DACH1: variants seen among roughly 807,000 people sequenced by gnomAD.
DACH1 encodes the protein dachshund homolog 1.
Under a neutral mutation model 54.2 loss-of-function variants are expected in DACH1, and 12 were observed. The observed-to-expected ratio is 0.22, with a 90% CI of 0.14 to 0.36. The LOEUF is 0.36. Ranked by LOEUF, DACH1 falls within the 10% of genes least tolerant of loss-of-function variation. DACH1 has a pLI of 1.00. For missense variants in DACH1, 805 were observed against 929.8 expected, an observed-to-expected ratio of 0.87 and a Z score of 1.75; for synonymous variants, 386 against 366.2, an observed-to-expected ratio of 1.05 and a Z score of -0.62.
intron 2 of DACH1, among the ~76,000 whole-genome samples, chr13:71,631,737 A>C (rs2138572633): frequency 6.6e-6 from 1 of 152,296 alleles, no homozygotes; most frequent in Non-Finnish European, 1.5e-5. Context: ...TATGCAAAGA[A>C]AATTTGTCCA....
At chr13:71,524,365 C>T (rs1220861944) in intron 6 of DACH1, among the ~76,000 whole-genome samples, 1 of 152,080 alleles carries the variant, frequency 6.6e-6, no homozygotes, top group Non-Finnish European at 1.5e-5. Flanking sequence ...TCAATTAATA[C>T]AGGAAATCAC....
At chr13:71,617,795 G>A (rs1197554511) in intron 3 of DACH1, among the ~76,000 whole-genome samples, 1 of 151,974 alleles carries the variant, frequency 6.6e-6, no homozygotes, top group Non-Finnish European at 1.5e-5. Context: ...CGTAGGCTTG[G>A]CATCAATCAT....
At chr13:71,645,321 C>G (rs753485545) in intron 2 of DACH1, among the ~76,000 whole-genome samples, 48 of 152,090 alleles carry the variant, frequency 3.2e-4, no homozygotes, top group African/African-American at 1.1e-3. Context: ...CTTTCTAGAA[C>G]GAAACACTGT....
Position 71,866,675 on chromosome 13 carries a change from G to C in DACH1, c.95C>G (p.Ser32Cys). 6.9e-7 allele frequency: 1 copy of C among 1,456,426 alleles called. No individual in the cohort carries two copies. Among genetic ancestry groups the C allele is most frequent in the South Asian group, 1.6e-5 (1 of 64,206 alleles). The allele number at this position is 1,456,426 out of a possible 1,614,324, so 90.2% of individuals were successfully genotyped here. ...TSASSSGTTT[S>C]TSSATSSPAP... ...CGGAGACGAAGTCGCCGAAGAGGTG[G>C]AGGTGGTGGTGCCAGAGGAGGAAGC... The change falls in exon 1 of 11, where the codon TCC becomes TGC. Residue 32 changes from serine (S) to cysteine (C), a missense_variant. Transcript: ENST00000613252.
intron 10 of DACH1, among the ~76,000 whole-genome samples, chr13:71,451,902 T>C (rs1274310553): frequency 6.6e-6 from 1 of 152,180 alleles, no homozygotes; most frequent in Non-Finnish European, 1.5e-5. Flanking sequence ...ATCTTTATTG[T>C]TAATAAATAC....
intron 1 of DACH1, among the ~76,000 whole-genome samples, chr13:71,829,389 T>A (rs78617853): frequency 0.017 from 2,629 of 152,078 alleles, 72 homozygotes; most frequent in African/African-American, 0.054. Context: ...TTAATTTGAC[T>A]TTAGAATAAG....
chr13:71,457,705 G>C (rs917442462), intron 10 of DACH1, among the ~76,000 whole-genome samples: 1 of 151,994 alleles, frequency 6.6e-6, no homozygotes, highest in African/African-American at 2.4e-5. Context: ...GAAGGATGAA[G>C]TGGAGAGTGG....
rs539609634 is a variant in DACH1, at chr13:71,758,204, A to AT, written c.849-76295dup. ...ACATTTGTCCAGAGAAATTGTCAGG[A>AT]TTTTTTTAGAGACAAATAAATCCTC... On this transcript the variant is annotated intron_variant, in intron 1 of 10. Transcript: ENST00000613252. 5.9e-3 allele frequency among the ~76,000 whole-genome samples: 902 copies of AT among 152,224 alleles called. 7 individuals are homozygous for AT. The highest frequency in any genetic ancestry group is 0.011 in the South Asian group (52 of 4,826).
intron 3 of DACH1, among the ~76,000 whole-genome samples, chr13:71,581,827 C>T (rs1261564799): frequency 6.6e-6 from 1 of 151,866 alleles, no homozygotes; most frequent in Non-Finnish European, 1.5e-5. Context: ...ATTCATTATC[C>T]TAACTCTGAA....
chr13:71,550,303 T>C (rs1031092532), intron 6 of DACH1, among the ~76,000 whole-genome samples: 2 of 152,118 alleles, frequency 1.3e-5, no homozygotes, highest in Admixed American at 6.6e-5. Context: ...AAGAACTTTA[T>C]TGTACCCACT....
At chr13:71,618,433 T>C (rs1294845665) in intron 3 of DACH1, among the ~76,000 whole-genome samples, 1 of 152,110 alleles carries the variant, frequency 6.6e-6, no homozygotes, top group East Asian at 1.9e-4. Flanking sequence ...GGAACTCTTT[T>C]AAAAATCAAT....
chr13:71,793,639 T>C (rs1886922068), intron 1 of DACH1, among the ~76,000 whole-genome samples: 6 of 152,116 alleles, frequency 3.9e-5, no homozygotes, highest in Admixed American at 1.3e-4. Context: ...CAAGCAATCC[T>C]CCAAGCACAG....
In DACH1 at chr13:71,439,813, A is replaced by C. The variant is rs1280181837; in HGVS notation, c.*842T>G. The C allele has an allele frequency of 6.6e-6, 1 of 152,500 alleles. No homozygotes were observed. The highest frequency in any genetic ancestry group is 6.6e-5 in the Admixed American group (1 of 15,234). The allele number at this position is 152,500 out of a possible 1,614,324, so 9.4% of individuals were successfully genotyped here. ...TAAACTCTAGTATACTACTGCATAC[A>C]TAATACCTTCCTTGTGTGTTTTATG... On this transcript the variant is annotated 3_prime_UTR_variant, in exon 11 of 11. Transcript: ENST00000613252.
chr13:71,582,951 T>G (rs2138438215), intron 3 of DACH1, among the ~76,000 whole-genome samples: 1 of 152,272 alleles, frequency 6.6e-6, no homozygotes, highest in East Asian at 1.9e-4. Flanking sequence ...CACTCATTTT[T>G]ATCCCAAGAA....
At chr13:71,471,424 T>C (rs1441391174) in intron 10 of DACH1, among the ~76,000 whole-genome samples, 1 of 151,792 alleles carries the variant, frequency 6.6e-6, no homozygotes, top group Non-Finnish European at 1.5e-5. Flanking sequence ...GATGTCTGAG[T>C]GGATTGGAAA....
chr13:71,644,524 T>C (rs1878135274), intron 2 of DACH1, among the ~76,000 whole-genome samples: 1 of 152,134 alleles, frequency 6.6e-6, no homozygotes, highest in Non-Finnish European at 1.5e-5. Flanking sequence ...AGAGTTCATA[T>C]AAACTGTGAG....
At chr13:71,454,820 C>T (rs1286593108) in intron 10 of DACH1, among the ~76,000 whole-genome samples, 1 of 152,180 alleles carries the variant, frequency 6.6e-6, no homozygotes, top group Non-Finnish European at 1.5e-5. Flanking sequence ...AGCTAGTCCC[C>T]AATTCCTCAC....
rs145498694 is a variant in DACH1 at position 71,639,971 on chromosome 13, T to C, written c.965-9254A>G. Among the ~76,000 whole-genome samples, 40 of 152,128 alleles carry C rather than the reference T, an allele frequency of 2.6e-4. 1 individual carries two copies. In the East Asian group the frequency reaches 7.3e-3, roughly 28 times the overall value. ...TCTTGGGGTCTTAAACTTATAAAAC[T>C]TGGGGATTAGAAAGACTTTACCTAA... is the stretch of plus-strand genomic sequence containing the variant. On this transcript the variant is annotated intron_variant, in intron 2 of 10. Transcript: ENST00000613252.
At chr13:71,542,382 G>GA (rs1446467019) in intron 6 of DACH1, among the ~76,000 whole-genome samples, 10 of 152,208 alleles carry the variant, frequency 6.6e-5, no homozygotes, top group African/African-American at 2.4e-4. Flanking sequence ...ATCACAATAT[G>GA]AAAATATAAC....
Sources: gnomAD v4.1 joint callset for allele counts (sites outside exome capture counted in the v4.1 genomes callset) on GRCh38, gnomAD v4.1.1 for gene constraint, MANE v1.5 for transcripts, NCBI Gene and HGNC (gene_info 2026-07-23, HGNC 2026-07-21) for gene names.